Variants in DNAH11 observed in about 807,000 individuals in gnomAD.
DNAH11 encodes axonemal beta dynein heavy chain 11.
Under a neutral mutation model 526.0 loss-of-function variants are expected in DNAH11, and 442 were observed. The observed-to-expected ratio is 0.84, with a 90% CI of 0.78 to 0.91. The LOEUF is 0.91. Among genes scored for constraint, DNAH11 ranks in the 40% least tolerant of loss-of-function variants. The pLI, the probability that DNAH11 is intolerant of heterozygous loss-of-function variation, is 0.00. For synonymous variants in DNAH11, 2,461 were observed against 1,935.9 expected, an observed-to-expected ratio of 1.27 and a Z score of -7.12; for missense variants, 6,989 against 5,448.7, an observed-to-expected ratio of 1.28 and a Z score of -8.90.
At chr7:21,607,878 C>G (rs753883449) in intron 20 of DNAH11, among the ~76,000 whole-genome samples, 1 of 128,922 alleles carries the variant, frequency 7.8e-6, no homozygotes, top group Non-Finnish European at 1.5e-5. Flanking sequence ...GCAGAGATTG[C>G]AGTGAGCCGA....
intron 34 of DNAH11, among the ~76,000 whole-genome samples, chr7:21,690,124 T>C (rs564027527): frequency 3.9e-5 from 6 of 152,344 alleles, no homozygotes; most frequent in Admixed American, 6.5e-5. Context: ...TAATCCCTTT[T>C]AAATCCTTGC....
chr7:21,701,819 T>C (rs1784073517), intron 36 of DNAH11, among the ~76,000 whole-genome samples: 1 of 152,202 alleles, frequency 6.6e-6, no homozygotes. Context: ...TTTATCTCCC[T>C]TTTTATAGAT....
intron 65 of DNAH11, among the ~76,000 whole-genome samples, chr7:21,837,058 A>G (rs1250853231): frequency 6.6e-6 from 1 of 150,656 alleles, no homozygotes; most frequent in Non-Finnish European, 1.5e-5. Context: ...TTTCACCCCA[A>G]TTAGAATGGA....
intron 25 of DNAH11, among the ~76,000 whole-genome samples, chr7:21,630,111 T>G (rs1172856423): frequency 1.3e-5 from 2 of 151,986 alleles, no homozygotes; most frequent in African/African-American, 4.8e-5. Context: ...CCATGAGTCG[T>G]AGAAAAACTA....
chr7:21,808,174 T>G, intron 63 of DNAH11, 125 bp downstream of exon 63: 1 of 672,238 alleles, frequency 1.5e-6, no homozygotes, highest in South Asian at 7.3e-5. Flanking sequence ...AATTCCATGG[T>G]GAAATTGTTT....
intron 8 of DNAH11, among the ~76,000 whole-genome samples, chr7:21,574,754 T>C (rs1235153998): frequency 6.6e-6 from 1 of 150,398 alleles, no homozygotes; most frequent in Non-Finnish European, 1.5e-5. Flanking sequence ...TTAGTAGAGA[T>C]GGGGTTTCGC....
chr7:21,675,513 C>T (rs1430148953), intron 30 of DNAH11, among the ~76,000 whole-genome samples: 1 of 152,246 alleles, frequency 6.6e-6, no homozygotes, highest in Non-Finnish European at 1.5e-5. Flanking sequence ...ATACTTTCTA[C>T]TTGCCCTAGC....
rs754062941 is a variant in DNAH11 at position 21,816,589 on chromosome 7, C to G, written c.10455C>G (p.Ile3485Met). ...SDRMSTENAA[I>M]LTHCERWPLV... Reference sequence around the variant, plus strand: ...GAATGTCCACCGAAAATGCCGCTATCCTAACACACTGTGAGCGCTGGCCTC... The same window carrying G: ...GAATGTCCACCGAAAATGCCGCTATGCTAACACACTGTGAGCGCTGGCCTC... The change falls in exon 64 of 82, where the codon ATC becomes ATG. Residue 3485 changes from isoleucine to methionine, a missense_variant. Physicochemically the swap from Ile to Met is conservative, Grantham distance 10 (BLOSUM62 1). Transcript: ENST00000409508. 1.2e-6 allele frequency: 2 copies of G among 1,613,504 alleles called. No homozygotes were observed. The highest frequency in any genetic ancestry group is 2.7e-5 in the African/African-American group (2 of 74,874).
Position 21,543,611 on chromosome 7 carries a change from G to T in DNAH11, c.351+15G>T, listed in dbSNP as rs1208054630. Reference sequence around the variant, plus strand: ...CTTCCCAGGAGGTAAGAGGCGACGGGCAAGGGGACCTGCCCATCCAACAAA... The same window carrying T: ...CTTCCCAGGAGGTAAGAGGCGACGGTCAAGGGGACCTGCCCATCCAACAAA... On this transcript the variant is annotated intron_variant, in intron 1 of 81. Coordinates refer to ENST00000409508, the MANE Select transcript of DNAH11 (RefSeq NM_001277115.2). 2.5e-6 allele frequency: 4 copies of T among 1,572,578 alleles called. No homozygotes were observed. In the African/African-American group the frequency reaches 4.1e-5, roughly 16 times the overall value.
chr7:21,873,744 G>C (rs1404118257), intron 74 of DNAH11, among the ~76,000 whole-genome samples: 1 of 144,004 alleles, frequency 6.9e-6, no homozygotes, highest in Non-Finnish European at 1.5e-5. Flanking sequence ...TTCAGCTACT[G>C]TGTAGGGAAA....
Position 21,629,274 on chromosome 7 carries a change from G to A in DNAH11, c.4501-6597G>A, listed in dbSNP as rs150453844. Among the ~76,000 whole-genome samples the A allele has an allele frequency of 6.2e-3, 948 of 152,176 alleles. 12 individuals carry two copies. The highest frequency in any genetic ancestry group is 0.022 in the African/African-American group (905 of 41,532). ...TTCATTGTAATCAGAAAAGGTACTC[G>A]ATATGATTTCTACTTTTTAGAATTT... is the stretch of plus-strand genomic sequence containing the variant. On this transcript the variant is annotated intron_variant, in intron 25 of 81. Coordinates refer to ENST00000409508, the MANE Select transcript of DNAH11 (RefSeq NM_001277115.2).
chr7:21,868,733 T>G (rs1485536859), intron 72 of DNAH11, 131 bp from the exon 73 acceptor site: 25 of 1,183,910 alleles, frequency 2.1e-5, no homozygotes, highest in Non-Finnish European at 2.9e-5. Context: ...GAAGTTTCTT[T>G]GGGATTCTTC....
intron 55 of DNAH11, 36 bp downstream of exon 55, chr7:21,765,625 C>G (rs748511865): frequency 3.4e-5 from 30 of 886,080 alleles, no homozygotes; most frequent in African/African-American, 1.8e-4. Flanking sequence ...CACACACACA[C>G]ACACACACAC....
chr7:21,756,824 T>C (rs917332529), intron 54 of DNAH11, among the ~76,000 whole-genome samples: 5 of 152,196 alleles, frequency 3.3e-5, no homozygotes, highest in Non-Finnish European at 7.3e-5. Flanking sequence ...TTAATGAATG[T>C]GGGAAGAATT....
chr7:21,863,697 T>C (rs1325362954), intron 69 of DNAH11, among the ~76,000 whole-genome samples: 1 of 152,200 alleles, frequency 6.6e-6, no homozygotes, highest in Non-Finnish European at 1.5e-5. Flanking sequence ...AACTTCCCCT[T>C]GGAAGCCATA....
chr7:21,608,369 G>A (rs1785386118), intron 20 of DNAH11, among the ~76,000 whole-genome samples: 1 of 152,192 alleles, frequency 6.6e-6, no homozygotes, highest in Non-Finnish European at 1.5e-5. Flanking sequence ...ATAATTGGGT[G>A]AAGTTTAGAT....
At position 21,687,425 on chromosome 7, in the gene DNAH11, G is replaced by C. The variant is rs779535145; in HGVS notation, c.5822G>C (p.Trp1941Ser). Residue 1941 changes from tryptophan to serine, a missense_variant, in exon 34 of 82, where the codon TGG becomes TCG. Transcript: ENST00000409508. ...AAGGGATTGGTGCAGACAGGAGCTT[G>C]GGGCTGCTTTGATGAGTTCAACCGA... is the stretch of plus-strand genomic sequence containing the variant. ...IYKGLVQTGA[W>S]GCFDEFNRIS... 2.5e-6 allele frequency: 4 copies of C among 1,613,856 alleles called. No individual in the cohort carries two copies. The East Asian group carries it at 8.9e-5, about 36-fold the overall frequency.
At chr7:21,795,120 T>C (rs1788654472) in intron 61 of DNAH11, among the ~76,000 whole-genome samples, 2 of 152,192 alleles carry the variant, frequency 1.3e-5, no homozygotes. Context: ...TCTGGTGACA[T>C]CCCTTTGTGT....
At chr7:21,802,968 T>TA (rs544011862) in intron 62 of DNAH11, among the ~76,000 whole-genome samples, 2 of 149,868 alleles carry the variant, frequency 1.3e-5, no homozygotes, top group South Asian at 2.1e-4. Flanking sequence ...TATAATGTAG[T>TA]AAAAAACACT....
Sources: gnomAD v4.1 joint callset for allele counts (sites outside exome capture counted in the v4.1 genomes callset) on GRCh38, gnomAD v4.1.1 for gene constraint, MANE v1.5 for transcripts, NCBI Gene and HGNC (gene_info 2026-07-23, HGNC 2026-07-21) for gene names.